The following HEG1 variants were observed in gnomAD, a reference collection of about 807,000 sequenced individuals.
HEG1 encodes heart development protein with EGF like domains 1, also known as protein HEG homolog 1.
HEG1 carries 56 observed loss-of-function variants against 125.6 expected under a neutral mutation model. That is an observed-to-expected ratio of 0.45 (90% CI 0.36 to 0.56). The LOEUF (loss-of-function observed/expected upper bound fraction) is 0.56. Ranked by LOEUF, HEG1 falls within the 20% of genes least tolerant of loss-of-function variation. The probability of loss-of-function intolerance (pLI) is 0.00; values close to 1 mark genes in which losing one functional copy is unlikely to be tolerated. For synonymous variants in HEG1, 644 were observed against 668.5 expected (o/e 0.96, Z 0.57); for missense variants, 1,523 against 1,670.0 (o/e 0.91, Z 1.53).
intron 9 of HEG1, 74 bp from the exon 10 acceptor site, chr3:125,002,389 T>TTA: frequency 7.4e-7 from 1 of 1,359,064 alleles, no homozygotes; most frequent in Non-Finnish European, 1.0e-6. Flanking sequence ...GTTTCCTATT[T>TTA]TCAGGATAAA....
intron 5 of HEG1, chr3:125,015,156 G>T: frequency 2.3e-6 from 1 of 430,470 alleles, no homozygotes; most frequent in African/African-American, 2.1e-5. Context: ...TGTTGCCCTT[G>T]CAAACATGGC....
At chr3:124,987,330 C>T (rs1215500974) in intron 14 of HEG1, among the ~76,000 whole-genome samples, 1 of 152,176 alleles carries the variant, frequency 6.6e-6, no homozygotes, top group Non-Finnish European at 1.5e-5. Flanking sequence ...TATCTCTTAC[C>T]TCCTGCTCCC....
chr3:125,005,890 T>C (rs79208312), intron 8 of HEG1, among the ~76,000 whole-genome samples: 2,932 of 152,258 alleles, frequency 0.019, 50 homozygotes, highest in Non-Finnish European at 0.029. Context: ...TTTCCTCTTG[T>C]CCTTAGAGCC....
intron 16 of HEG1, chr3:124,971,024 T>A: frequency 3.2e-6 from 2 of 616,532 alleles, no homozygotes; most frequent in East Asian, 6.4e-5. Context: ...AGGCAACTGA[T>A]GCAAACGGAG....
chr3:125,052,761 G>C (rs1937841101), intron 1 of HEG1, among the ~76,000 whole-genome samples: 1 of 152,166 alleles, frequency 6.6e-6, no homozygotes, highest in Non-Finnish European at 1.5e-5. Context: ...CAGGGTGACG[G>C]GTGGGTGCAA....
Position 125,004,751 on chromosome 3 carries a change from G to C in HEG1, c.3297+514C>G, listed in dbSNP as rs558257129. On this transcript the variant is annotated intron_variant, in intron 9 of 16. Transcript: ENST00000311127. ...AAAATTCTGATAAAAAGCGGGCAAA[G>C]AGGGAAAGAAGCAGAATCAAAGACC... 2.6e-5 allele frequency among the ~76,000 whole-genome samples: 4 copies of C among 152,220 alleles called. No individual in the cohort carries two copies. The East Asian group carries it at 7.7e-4, about 29-fold the overall frequency.
intron 1 of HEG1, among the ~76,000 whole-genome samples, chr3:125,047,418 T>C (rs1157028158): frequency 6.6e-6 from 1 of 152,218 alleles, no homozygotes; most frequent in Non-Finnish European, 1.5e-5. Context: ...ATTTGACAGA[T>C]GATAAACTGA....
At chr3:125,039,661 C>A (rs947606401) in intron 1 of HEG1, among the ~76,000 whole-genome samples, 2 of 152,044 alleles carry the variant, frequency 1.3e-5, no homozygotes. Context: ...CCCTGTCAAG[C>A]GGGTATTATT....
intron 14 of HEG1, among the ~76,000 whole-genome samples, chr3:124,987,809 A>C (rs949789290): frequency 6.6e-6 from 1 of 150,732 alleles, no homozygotes; most frequent in South Asian, 2.1e-4. Flanking sequence ...CGTGAGCCAC[A>C]GCGCCCGGCC....
intron 16 of HEG1, chr3:124,971,021 T>G (rs1316161767): frequency 1.6e-6 from 1 of 617,282 alleles, no homozygotes; most frequent in Non-Finnish European, 3.0e-6. Flanking sequence ...AGAAGGCAAC[T>G]GATGCAAACG....
rs756826335 is a variant in HEG1, at chr3:125,013,783, G to A, written c.1796C>T (p.Ser599Phe). Residue 599 changes from serine to phenylalanine, a missense_variant, in exon 6 of 17, where the codon TCC becomes TTC. Transcript: ENST00000311127. ...KISNSSHSEY[S>F]SFFHAQTERS... ...CTCAGTCTGAGCATGAAAAAAGGAG[G>A]AATACTCTGAATGTGAAGAGTTTGA... 1.4e-5 allele frequency: 23 copies of A among 1,613,830 alleles called. No homozygotes were observed. The highest frequency in any genetic ancestry group is 1.9e-5 in the Non-Finnish European group (22 of 1,179,752).
At chr3:124,996,178 G>A (rs902750482) in intron 12 of HEG1, among the ~76,000 whole-genome samples, 9 of 151,854 alleles carry the variant, frequency 5.9e-5, no homozygotes, top group Middle Eastern at 3.4e-3. Flanking sequence ...TCCACTCCCC[G>A]GGTTCAAGCG....
chr3:125,012,865 C>A lies in HEG1; in HGVS notation c.2714G>T (p.Arg905Leu), dbSNP rs201407007. ...TCCAGTGGTAGCATCCACAATCACT[C>A]GGTTCCTTTCTGTGCTGATGCCACC... is the stretch of plus-strand genomic sequence containing the variant. Reference protein sequence around the residue: ...TEGGISTERNRVIVDATTGLI... With the variant: ...TEGGISTERNLVIVDATTGLI... Residue 905 changes from arginine (R) to leucine (L), a missense_variant, in exon 6 of 17, where the codon CGA (arginine) becomes CTA (leucine). Coordinates refer to ENST00000311127, the MANE Select transcript of HEG1 (RefSeq NM_020733.2). 3 of 1,613,886 alleles carry A rather than the reference C, an allele frequency of 1.9e-6. No individual in the cohort carries two copies. The highest frequency in any genetic ancestry group is 1.7e-5 in the Admixed American group (1 of 60,006).
intron 14 of HEG1, 111 bp from the exon 15 acceptor site, chr3:124,978,057 T>C (rs1175655368): frequency 1.4e-6 from 1 of 705,806 alleles, no homozygotes; most frequent in East Asian, 2.8e-5. Flanking sequence ...CCTTGAGGGG[T>C]GCCCTCGCCT....
intron 11 of HEG1, among the ~76,000 whole-genome samples, chr3:125,000,523 G>A (rs1391602403): frequency 6.6e-6 from 1 of 151,402 alleles, no homozygotes; most frequent in African/African-American, 2.4e-5. Context: ...TCAAAGTTTC[G>A]AGCATGATAT....
chr3:124,987,522 T>TC lies in HEG1; in HGVS notation c.3733+3264dup, dbSNP rs1250244439. 5.3e-5 allele frequency among the ~76,000 whole-genome samples: 8 copies of TC among 151,152 alleles called. No homozygotes were observed. The South Asian group carries it at 8.4e-4, about 16-fold the overall frequency. On this transcript the variant is annotated intron_variant, in intron 14 of 16. Coordinates refer to ENST00000311127, the MANE Select transcript of HEG1 (RefSeq NM_020733.2). Reference sequence around the variant, plus strand: ...TGCTAAGCCTCTCTGTTTCTTTTTTTCTTTTTTTTTTTTTTTTTGAGACGG... The same window carrying TC: ...TGCTAAGCCTCTCTGTTTCTTTTTTTCCTTTTTTTTTTTTTTTTTGAGACGG...
chr3:125,053,375 C>T (rs1937857509), intron 1 of HEG1, among the ~76,000 whole-genome samples: 1 of 152,074 alleles, frequency 6.6e-6, no homozygotes, highest in Non-Finnish European at 1.5e-5. Context: ...TCTTTTTTAC[C>T]CCTAAATGAT....
At position 124,994,173 on chromosome 3, in the gene HEG1, C is replaced by T. The variant is rs183120561; in HGVS notation, c.3653-3187G>A. ...AGGCATTAGATTCTCCTAAGGACCA[C>T]GTAACCTAGATCCCTCACATGTGCA... On this transcript the variant is annotated intron_variant, in intron 12 of 16. Transcript: ENST00000311127. Among the ~76,000 whole-genome samples, 14 of 152,326 alleles carry T rather than the reference C, an allele frequency of 9.2e-5. No individual in the cohort carries two copies. The East Asian group carries it at 2.1e-3, about 23-fold the overall frequency.
intron 12 of HEG1, among the ~76,000 whole-genome samples, chr3:124,995,186 C>G (rs1296256513): frequency 6.6e-6 from 1 of 152,074 alleles, no homozygotes; most frequent in Admixed American, 6.5e-5. Context: ...GTAGTCCCAG[C>G]TACTTGGGAG....
Sources: allele counts gnomAD v4.1 joint callset (sites outside exome capture counted in the v4.1 genomes callset), GRCh38; gene constraint gnomAD v4.1.1; transcripts MANE v1.5; gene names NCBI Gene and HGNC (gene_info 2026-07-23, HGNC 2026-07-21).